The following PLEC variants were observed in gnomAD, a reference collection of about 807,000 sequenced individuals.
PLEC encodes the protein plectin, also known as hemidesmosomal protein 1.
In PLEC, 216 loss-of-function variants were observed where a neutral mutation model predicts 392.8. That is an observed-to-expected ratio of 0.55 (90% CI 0.49 to 0.62). The LOEUF (loss-of-function observed/expected upper bound fraction) is 0.62, where lower values mean the gene tolerates loss of function less well. Among genes scored for constraint, PLEC ranks in the 20% least tolerant of loss-of-function variants. The pLI is 0.00. For missense variants in PLEC, 6,863 were observed against 6,563.4 expected, an observed-to-expected ratio of 1.05 and a Z score of -1.58; for synonymous variants, 3,621 against 2,980.6, an observed-to-expected ratio of 1.21 and a Z score of -7.00.
Position 143,918,478 on chromosome 8 carries a change from C to T in PLEC, c.11343G>A (p.Ser3781=), listed in dbSNP as rs376719872. 8.5e-5 allele frequency: 135 copies of T among 1,596,016 alleles called. No individual in the cohort carries two copies. The highest frequency in any genetic ancestry group is 2.6e-4 in the Admixed American group (15 of 57,516). The change falls in exon 32 of 32, where the codon TCG becomes TCA. Residue 3781 remains serine (S), a synonymous_variant. Coordinates refer to ENST00000345136, the MANE Select transcript of PLEC (RefSeq NM_201384.3). ...YRDPYTEQTI[S]LFQAMKKELI... ...GCTCCTTCTTCATGGCCTGGAAGAG[C>T]GAGATGGTCTGCTCGGTGTAGGGGT...
upstream of PLEC, among the ~76,000 whole-genome samples, chr8:143,974,288 C>G (rs576905370): frequency 9.2e-5 from 14 of 152,370 alleles, no homozygotes; most frequent in African/African-American, 3.4e-4. The surrounding 1 kb of genome is among the most constrained non-coding windows in gnomAD (Gnocchi z 5.9). Flanking sequence ...TCGGGACCCC[C>G]CACACTCCTC....
rs2131106331 is a variant in PLEC at position 143,920,781 on chromosome 8, C to T, written c.9040G>A (p.Asp3014Asn). 6.2e-7 allele frequency: 1 copy of T among 1,607,128 alleles called. No homozygotes were observed. Among genetic ancestry groups the T allele is most frequent in the Admixed American group, 1.7e-5 (1 of 60,030 alleles). The change falls in exon 32 of 32, where the codon GAC (aspartate) becomes AAC (asparagine). Residue 3014 changes from aspartate (D) to asparagine (N), a missense_variant. Transcript: ENST00000345136. Reference protein sequence around the residue: ...ERSVRDVAEVDTVRRALRGAN... With the variant: ...ERSVRDVAEVNTVRRALRGAN... ...CCCCGGAGAGCCCGCCGCACAGTGT[C>T]CACCTCGGCTACGTCTCGCACAGAG...
chr8:143,916,352 C>T lies in PLEC; in HGVS notation c.13469G>A (p.Arg4490His), dbSNP rs782151802. The T allele has an allele frequency of 4.1e-5, 66 of 1,605,456 alleles. 1 individual carries two copies. The highest frequency in any genetic ancestry group is 1.7e-4 in the African/African-American group (13 of 74,666). The part of the protein sequence containing the change: ...VSGSGSTAGS[R>H]TGSRTGSRAG... ...CCGGGAGCCGGTGCGCGAGCCGGTGCGGGAGCCAGCGGTAGAGCCGGAGCC... is the reference window on the plus strand; with the variant it reads ...CCGGGAGCCGGTGCGCGAGCCGGTGTGGGAGCCAGCGGTAGAGCCGGAGCC... Residue 4490 changes from arginine to histidine, a missense_variant, in exon 32 of 32, where the codon CGC (arginine) becomes CAC (histidine). Coordinates refer to ENST00000345136, the MANE Select transcript of PLEC (RefSeq NM_201384.3).
intron 1 of PLEC, among the ~76,000 whole-genome samples, chr8:143,947,748 T>G (rs1295578129): frequency 1.3e-5 from 2 of 152,152 alleles, no homozygotes; most frequent in African/African-American, 2.4e-5. Flanking sequence ...GGACTCCATC[T>G]CAAAACAATA....
rs782703019 is a variant in PLEC, at chr8:143,918,344, C to T, written c.11477G>A (p.Arg3826His). 98 of 1,579,262 alleles carry T rather than the reference C, an allele frequency of 6.2e-5. No homozygotes were observed. The highest frequency in any genetic ancestry group is 7.1e-5 in the Non-Finnish European group (83 of 1,169,532). The change falls in exon 32 of 32, where the codon CGT becomes CAT. Residue 3826 changes from arginine to histidine, a missense_variant. By Grantham distance (29) the Arg-to-His change is conservative (BLOSUM62 0). Transcript: ENST00000345136. ...FHLPLEVAYQ[R>H]GYLNKDTHDQ... ...GTGCGTGTCCTTGTTGAGGTAGCCA[C>T]GCTGGTAAGCCACCTCCAGGGGAAG...
In PLEC at chr8:143,973,280, G is replaced by A. The variant is rs559151753; in HGVS notation, c.70+123C>T. 4.9e-6 allele frequency: 6 copies of A among 1,227,334 alleles called. No individual in the cohort carries two copies. Among genetic ancestry groups the A allele is most frequent in the South Asian group, 2.7e-5 (2 of 74,122 alleles). The allele number at this position is 1,227,334 out of a possible 1,614,324, so 76.0% of individuals were successfully genotyped here. On this transcript the variant is annotated intron_variant, in intron 1 of 31. Transcript: ENST00000356346. The surrounding 1 kb of genome is among the most constrained non-coding windows in gnomAD (Gnocchi z 5.6). ...GGCAGCCGTTGGGGGCGATCCAGGCGGACGAGGCCGGCGGAGTGGCCGCGC... is the reference window on the plus strand; with the variant it reads ...GGCAGCCGTTGGGGGCGATCCAGGCAGACGAGGCCGGCGGAGTGGCCGCGC...
rs782710802 is a variant in PLEC at position 143,933,991 on chromosome 8, C to CTCACCGACTG, written c.1263+6_1263+7insCAGTCGGTGA. ...TCCCGCCCACTGCCTGCCCCACACC[C>CTCACCGACTG]CCTCACCGACTGCAGCAGGGCGTCG... On this transcript the variant is annotated splice_region_variant and intron_variant, in intron 12 of 31. Transcript: ENST00000345136. 2.8e-3 allele frequency: 4,494 copies of CTCACCGACTG among 1,607,540 alleles called. 114 individuals carry two copies. The African/African-American group carries it at 0.054, about 19-fold the overall frequency.
Position 143,922,674 on chromosome 8 carries a change from G to C in PLEC, c.7255C>G (p.Arg2419Gly). Reference sequence around the variant, plus strand: ...TTCTCCTGGGTGGCGAGCTCCGTGCGGTGCAGCTTCTCACCGATCTCCTCC... The same window carrying C: ...TTCTCCTGGGTGGCGAGCTCCGTGCCGTGCAGCTTCTCACCGATCTCCTCC... The part of the protein sequence containing the change: ...QAEEIGEKLH[R>G]TELATQEKVT... Residue 2419 changes from arginine to glycine, a missense_variant, in exon 31 of 32, where the codon CGC (arginine) becomes GGC (glycine). Coordinates refer to ENST00000345136, the MANE Select transcript of PLEC (RefSeq NM_201384.3). The C allele has an allele frequency of 6.2e-7, 1 of 1,613,124 alleles. No individual in the cohort carries two copies. Among genetic ancestry groups the C allele is most frequent in the African/African-American group, 1.3e-5 (1 of 75,044 alleles).
chr8:143,932,490 T>C lies in PLEC; in HGVS notation c.1887A>G (p.Leu629=). ...HSFVAAATKE[L]MWLNEKEEEE... is the part of the protein sequence containing the mutation. ...CCTCCTCCTTCTCATTCAGCCACATTAGCTCCTTAGTGGCGGCTGCCACAA... is the reference window on the plus strand; with the variant it reads ...CCTCCTCCTTCTCATTCAGCCACATCAGCTCCTTAGTGGCGGCTGCCACAA... Residue 629 remains leucine (L), a synonymous_variant, in exon 16 of 32, where the codon CTA becomes CTG. Transcript: ENST00000345136. 1 of 1,612,642 alleles carries C rather than the reference T, an allele frequency of 6.2e-7. No individual in the cohort carries two copies. Among genetic ancestry groups the C allele is most frequent in the South Asian group, 1.1e-5 (1 of 91,088 alleles).
chr8:143,927,688 C>A lies in PLEC; in HGVS notation c.3478G>T (p.Gly1160Trp), dbSNP rs2131613052. 6.3e-7 allele frequency: 1 copy of A among 1,583,074 alleles called. No homozygotes were observed. Among genetic ancestry groups the A allele is most frequent in the Non-Finnish European group, 8.6e-7 (1 of 1,163,934 alleles). The change falls in exon 27 of 32, where the codon GGG (glycine) becomes TGG (tryptophan). Residue 1160 changes from glycine (G) to tryptophan (W), a missense_variant. By Grantham distance (184) the Gly-to-Trp change is radical. Transcript: ENST00000345136. ...RDELRGAQEV[G>W]ERLQQRHGER... The stretch of plus-strand genomic sequence containing the variant: ...CCGTGCCGCTGCTGCAGTCGCTCCC[C>A]CACCTCCTGTGCCCCCCGCAGCTCA...
In PLEC at chr8:143,924,756, C is replaced by T. The variant is rs782466939; in HGVS notation, c.5173G>A (p.Gly1725Arg). Residue 1725 changes from glycine to arginine, a missense_variant, in exon 31 of 32, where the codon GGG becomes AGG. Gly to Arg is a moderately radical substitution (Grantham distance 125). Transcript: ENST00000345136. ...TCCAGCAGCTGCCGCTGCTGCTCCC[C>T]CTGCTCCGTCTCGGCCCGCAGCCGG... ...LIRLRAETEQ[G>R]EQQRQLLEEE... The T allele has an allele frequency of 3.9e-6, 6 of 1,535,218 alleles. No individual in the cohort carries two copies. The South Asian group carries it at 4.8e-5, about 12-fold the overall frequency.
chr8:143,933,442 C>T, intron 12 of PLEC, 91 bp from the exon 13 acceptor site: 1 of 1,501,812 alleles, frequency 6.7e-7, no homozygotes, highest in Non-Finnish European at 9.1e-7. Flanking sequence ...CAGCCGCTTC[C>T]TCAGCCTCAG....
chr8:143,921,255 G>A lies in PLEC; in HGVS notation c.8566C>T (p.Pro2856Ser), dbSNP rs1554684752. The change falls in exon 32 of 32, where the codon CCC becomes TCC. Residue 2856 changes from proline (P) to serine (S), a missense_variant. By Grantham distance (74) the Pro-to-Ser change is moderately conservative. Coordinates refer to ENST00000345136, the MANE Select transcript of PLEC (RefSeq NM_201384.3). ...PSDDTKGFFD[P>S]NTHENLTYLQ... Reference sequence around the variant, plus strand: ...TACGTGAGGTTCTCGTGCGTGTTGGGGTCAAAGAAGCCCTTGGTGTCGTCG... The same window carrying A: ...TACGTGAGGTTCTCGTGCGTGTTGGAGTCAAAGAAGCCCTTGGTGTCGTCG... The A allele has an allele frequency of 6.2e-7, 1 of 1,614,132 alleles. No individual in the cohort carries two copies. Among genetic ancestry groups the A allele is most frequent in the Admixed American group, 1.7e-5 (1 of 60,032 alleles).
At chr8:143,942,299 A>C, upstream of PLEC, 1 of 1,494,168 alleles carries the variant, frequency 6.7e-7, no homozygotes, top group African/African-American at 1.4e-5. Flanking sequence ...CCCCCATCCC[A>C]GCCCAGGCGG....
intron 1 of PLEC, among the ~76,000 whole-genome samples, chr8:143,947,777 C>T (rs1347827732): frequency 2.0e-5 from 3 of 152,100 alleles, no homozygotes; most frequent in Non-Finnish European, 2.9e-5. Context: ...AAAAATGAAA[C>T]GTAAATGAAA....
Position 143,927,499 on chromosome 8 carries a change from G to C in PLEC, c.3667C>G (p.Leu1223Val). Reference sequence around the variant, plus strand: ...TCCTGCCGCCGCCTGGCGTCCTGCAGCCAGGCGCCCAAGGGGTCTGCACTC... The same window carrying C: ...TCCTGCCGCCGCCTGGCGTCCTGCACCCAGGCGCCCAAGGGGTCTGCACTC... ...RESADPLGAW[L>V]QDARRRQEQI... The change falls in exon 27 of 32, where the codon CTG becomes GTG. Residue 1223 changes from leucine to valine, a missense_variant. By Grantham distance (32) the Leu-to-Val change is conservative. Coordinates refer to ENST00000345136, the MANE Select transcript of PLEC (RefSeq NM_201384.3). 6.3e-7 allele frequency: 1 copy of C among 1,597,118 alleles called. No individual in the cohort carries two copies. Among genetic ancestry groups the C allele is most frequent in the Non-Finnish European group, 8.5e-7 (1 of 1,178,628 alleles).
At position 143,925,515 on chromosome 8, in the gene PLEC, C is replaced by T. The variant is rs1554702969; in HGVS notation, c.4414G>A (p.Glu1472Lys). 5.6e-6 allele frequency: 9 copies of T among 1,595,686 alleles called. No individual in the cohort carries two copies. The highest frequency in any genetic ancestry group is 7.6e-6 in the Non-Finnish European group (9 of 1,177,970). Residue 1472 changes from glutamate to lysine, a missense_variant, in exon 31 of 32, where the codon GAG becomes AAG. Transcript: ENST00000345136. ...GCACGCAGTGCCTGCAGCTCCCCCTCAGCCCCGCCACGCTGGCGCTCGGTG... is the reference window on the plus strand; with the variant it reads ...GCACGCAGTGCCTGCAGCTCCCCCTTAGCCCCGCCACGCTGGCGCTCGGTG... ...EATERQRGGA[E>K]GELQALRARA... is the part of the protein sequence containing the mutation.
chr8:143,915,208 G>C lies in PLEC; in HGVS notation c.*969C>G, dbSNP rs1554666946. The stretch of plus-strand genomic sequence containing the variant: ...TACCGCAAGGCCCCGCCCACGGTCA[G>C]GTTAGTGTTCTGCCCTTGCAGAGGC... On this transcript the variant is annotated 3_prime_UTR_variant, in exon 32 of 32. Coordinates refer to ENST00000345136, the MANE Select transcript of PLEC (RefSeq NM_201384.3). 1.3e-5 allele frequency: 2 copies of C among 152,594 alleles called. No homozygotes were observed. The highest frequency in any genetic ancestry group is 4.8e-5 in the African/African-American group (2 of 41,458). The allele number at this position is 152,594 out of a possible 1,614,324, so 9.5% of individuals were successfully genotyped here.
intron 19 of PLEC, among the ~76,000 whole-genome samples, chr8:143,931,035 G>A (rs1055738026): frequency 3.3e-5 from 5 of 152,172 alleles, no homozygotes; most frequent in Non-Finnish European, 7.4e-5. Flanking sequence ...TGCTCCCAGA[G>A]CACAAAGCCC....
Sources: gnomAD v4.1 joint callset for allele counts (sites outside exome capture counted in the v4.1 genomes callset) on GRCh38, gnomAD v4.1.1 for gene constraint, Gnocchi (gnomAD v3.1) non-coding constraint, MANE v1.5 for transcripts, NCBI Gene and HGNC (gene_info 2026-07-23, HGNC 2026-07-21) for gene names.